TBC1D4: variants seen among roughly 807,000 people sequenced by gnomAD.
TBC1D4 encodes TBC1 domain family member 4.
A neutral mutation model predicts 142.5 loss-of-function variants in TBC1D4; 121 were observed. That is an observed-to-expected ratio of 0.85 (90% CI 0.73 to 0.99). The LOEUF (loss-of-function observed/expected upper bound fraction) is 0.99. TBC1D4 is among the 50% of genes least tolerant of loss of function. The pLI is 0.00. For missense variants in TBC1D4, 1,475 were observed against 1,606.6 expected, an observed-to-expected ratio of 0.92 and a Z score of 1.40; for synonymous variants, 630 against 628.2, an observed-to-expected ratio of 1.00 and a Z score of -0.04.
At chr13:75,308,686 C>CA (rs1399361433) in intron 14 of TBC1D4, among the ~76,000 whole-genome samples, 9 of 152,012 alleles carry the variant, frequency 5.9e-5, no homozygotes, top group Non-Finnish European at 1.3e-4. Context: ...TGAGTTAGTT[C>CA]AAAATATAAC....
At chr13:75,472,620 A>C (rs1291173528) in intron 1 of TBC1D4, among the ~76,000 whole-genome samples, 1 of 152,036 alleles carries the variant, frequency 6.6e-6, no homozygotes, top group Non-Finnish European at 1.5e-5. Flanking sequence ...GGCGAGGACC[A>C]TAACTAGATA....
intron 5 of TBC1D4, 76 bp from the exon 6 acceptor site, chr13:75,341,663 TCA>T (rs1482876438): frequency 8.8e-7 from 1 of 1,139,084 alleles, no homozygotes; most frequent in African/African-American, 1.5e-5. Flanking sequence ...GCATTACACT[TCA>T]CCTCTTCCCA....
intron 1 of TBC1D4, among the ~76,000 whole-genome samples, chr13:75,433,400 A>T (rs866525967): frequency 2.0e-5 from 3 of 152,186 alleles, no homozygotes; most frequent in Non-Finnish European, 2.9e-5. Context: ...TTCCTGCCCT[A>T]ATATATCTAC....
chr13:75,313,411 A>C (rs564663463), intron 12 of TBC1D4, among the ~76,000 whole-genome samples: 16 of 152,376 alleles, frequency 1.1e-4, no homozygotes, highest in African/African-American at 3.8e-4. Context: ...GATAACCTGA[A>C]TATAAGCAGA....
chr13:75,472,106 C>CAAAAAA (rs59823952), intron 1 of TBC1D4, among the ~76,000 whole-genome samples: 1 of 121,960 alleles, frequency 8.2e-6, no homozygotes, highest in African/African-American at 3.5e-5. Flanking sequence ...GACTCTGTCT[C>CAAAAAA]AAAAAAAAAA....
chr13:75,349,405 A>AG, intron 4 of TBC1D4, 103 bp from the exon 5 acceptor site: 2 of 1,489,064 alleles, frequency 1.3e-6, no homozygotes, highest in Non-Finnish European at 1.8e-6. Context: ...CTAAATAAAA[A>AG]TAATAGAATT....
Position 75,481,464 on chromosome 13 carries a change from A to C in TBC1D4, c.304T>G (p.Ser102Ala). ...GTGGCCGACGGACTAGTGCCCCCCGAGGCCCCAGCGCCCGGCGCGGGGACG... is the reference window on the plus strand; with the variant it reads ...GTGGCCGACGGACTAGTGCCCCCCGCGGCCCCAGCGCCCGGCGCGGGGACG... ...RCVPAPGAGA[S>A]GGTSPSATQP... Residue 102 changes from serine to alanine, a missense_variant, in exon 1 of 21, where the codon TCG becomes GCG. Ser to Ala is a moderately conservative substitution (Grantham distance 99). Coordinates refer to ENST00000377636, the MANE Select transcript of TBC1D4 (RefSeq NM_014832.5). The C allele has an allele frequency of 6.2e-7, 1 of 1,613,496 alleles. No individual in the cohort carries two copies. Among genetic ancestry groups the C allele is most frequent in the Non-Finnish European group, 8.5e-7 (1 of 1,179,690 alleles).
chr13:75,319,944 C>A, intron 12 of TBC1D4, 70 bp downstream of exon 12: 1 of 1,556,488 alleles, frequency 6.4e-7, no homozygotes, highest in Non-Finnish European at 8.8e-7. Context: ...GCTTTTTAAA[C>A]TAAGGATGAT....
At chr13:75,295,987 G>C (rs544630571) in intron 17 of TBC1D4, among the ~76,000 whole-genome samples, 1 of 152,134 alleles carries the variant, frequency 6.6e-6, no homozygotes, top group Non-Finnish European at 1.5e-5. Flanking sequence ...ATTATGTTGT[G>C]AATTCAACAA....
At chr13:75,442,634 C>T (rs1233743771) in intron 1 of TBC1D4, among the ~76,000 whole-genome samples, 2 of 151,960 alleles carry the variant, frequency 1.3e-5, no homozygotes, top group Non-Finnish European at 1.5e-5. Context: ...CAAAAATTAG[C>T]TGGGCGTGGT....
At chr13:75,462,457 G>C (rs188000738) in intron 1 of TBC1D4, among the ~76,000 whole-genome samples, 76 of 151,726 alleles carry the variant, frequency 5.0e-4, no homozygotes, top group African/African-American at 1.8e-3. Context: ...TTACTAGGTA[G>C]AAGAGTTAAA....
chr13:75,430,188 C>T (rs181610379), intron 1 of TBC1D4, among the ~76,000 whole-genome samples: 10 of 152,280 alleles, frequency 6.6e-5, no homozygotes, highest in African/African-American at 2.4e-4. Flanking sequence ...TGAAGATATA[C>T]TCTGTAACTG....
At chr13:75,288,212 C>G (rs1874892420) in intron 20 of TBC1D4, among the ~76,000 whole-genome samples, 2 of 151,600 alleles carry the variant, frequency 1.3e-5, no homozygotes, top group African/African-American at 4.9e-5. Context: ...AGACATGTCT[C>G]CCTCTCTTCC....
intron 1 of TBC1D4, among the ~76,000 whole-genome samples, chr13:75,371,739 G>A (rs547790494): frequency 3.3e-5 from 5 of 152,182 alleles, no homozygotes; most frequent in East Asian, 1.9e-4. Context: ...TTAGAAGAGC[G>A]GTTTGCCCCT....
At chr13:75,400,617 C>G (rs55728911) in intron 1 of TBC1D4, among the ~76,000 whole-genome samples, 149,396 of 150,174 alleles carry the variant, frequency 0.99, 74,317 homozygotes, top group Middle Eastern at 1. Flanking sequence ...ACCACCATGC[C>G]CAGCTAATTT....
At position 75,372,934 on chromosome 13, in the gene TBC1D4, ACG is replaced by A. The variant is rs369351319; in HGVS notation, c.499-10329_499-10328del. 9.2e-5 allele frequency among the ~76,000 whole-genome samples: 14 copies of A among 152,362 alleles called. No homozygotes were observed. The East Asian group carries it at 2.3e-3, about 25-fold the overall frequency. ...ACACAATAAACATAATAGGAAACAT[ACG>A]TCTTGGTCCTTCATCATGAAATAGG... On this transcript the variant is annotated intron_variant, in intron 1 of 20. Coordinates refer to ENST00000377636, the MANE Select transcript of TBC1D4 (RefSeq NM_014832.5).
intron 14 of TBC1D4, among the ~76,000 whole-genome samples, chr13:75,309,186 C>T (rs1877495254): frequency 6.6e-6 from 1 of 152,092 alleles, no homozygotes; most frequent in African/African-American, 2.4e-5. Context: ...GAAATTTATA[C>T]ATTTTTTTGG....
At chr13:75,437,581 T>C (rs1308674366) in intron 1 of TBC1D4, among the ~76,000 whole-genome samples, 7 of 149,792 alleles carry the variant, frequency 4.7e-5, no homozygotes, top group Non-Finnish European at 1.0e-4. Context: ...TTCCTTTAAG[T>C]GCTATTCTCA....
intron 1 of TBC1D4, among the ~76,000 whole-genome samples, chr13:75,444,416 C>A (rs1474532123): frequency 6.6e-6 from 1 of 152,178 alleles, no homozygotes; most frequent in Non-Finnish European, 1.5e-5. Flanking sequence ...CTTGAGCCAC[C>A]TTTCCTGGCC....
Sources: gnomAD v4.1 joint callset for allele counts (sites outside exome capture counted in the v4.1 genomes callset) on GRCh38, gnomAD v4.1.1 for gene constraint, MANE v1.5 for transcripts, NCBI Gene and HGNC (gene_info 2026-07-23, HGNC 2026-07-21) for gene names.